The following USP6NL variants were observed in gnomAD, a reference collection of about 807,000 sequenced individuals.
The protein encoded by USP6NL is USP6 N-terminal-like protein.
Under a neutral mutation model 61.9 loss-of-function variants are expected in USP6NL, and 26 were observed. The ratio of observed to expected loss-of-function variants is 0.42; its 90% CI spans 0.31 to 0.58. USP6NL has a LOEUF of 0.58. Among genes scored for constraint, USP6NL ranks in the 20% least tolerant of loss-of-function variants. The probability of loss-of-function intolerance (pLI) is 0.16; values close to 1 mark genes in which losing one functional copy is unlikely to be tolerated. For missense variants in USP6NL, 1,114 were observed against 1,034.3 expected, an observed-to-expected ratio of 1.08 and a Z score of -1.06; for synonymous variants, 432 against 390.1, an observed-to-expected ratio of 1.11 and a Z score of -1.27.
intron 2 of USP6NL, among the ~76,000 whole-genome samples, chr10:11,557,624 T>C (rs573651857): frequency 2.6e-5 from 4 of 152,112 alleles, no homozygotes; most frequent in Admixed American, 1.3e-4. Flanking sequence ...AGTTAGTGAG[T>C]GTAGACTTAT....
At chr10:11,590,954 T>C (rs386453887) in intron 2 of USP6NL, among the ~76,000 whole-genome samples, 286 of 152,270 alleles carry the variant, frequency 1.9e-3, no homozygotes, top group Non-Finnish European at 3.2e-3. Flanking sequence ...CCAATAGATG[T>C]ACTCCTATAA....
At chr10:11,497,394 AGAGT>A (rs1273583570) in intron 7 of USP6NL, among the ~76,000 whole-genome samples, 2 of 148,334 alleles carry the variant, frequency 1.3e-5, no homozygotes, top group African/African-American at 4.9e-5. Context: ...CTGGGCAACA[AGAGT>A]GAGACTCAGT....
At chr10:11,472,618 T>C (rs1051349630) in intron 14 of USP6NL, among the ~76,000 whole-genome samples, 2 of 152,258 alleles carry the variant, frequency 1.3e-5, no homozygotes, top group East Asian at 1.9e-4. Context: ...TCCAATTGTA[T>C]TTTTAAATAT....
At chr10:11,590,811 C>T (rs530409015) in intron 2 of USP6NL, among the ~76,000 whole-genome samples, 76 of 152,146 alleles carry the variant, frequency 5.0e-4, no homozygotes, top group Non-Finnish European at 8.5e-4. Context: ...GCGGAGAACA[C>T]GCACCTGCAT....
At chr10:11,543,804 T>G (rs112475863) in intron 2 of USP6NL, among the ~76,000 whole-genome samples, 2,808 of 35,580 alleles carry the variant, frequency 0.079, 98 homozygotes, top group African/African-American at 0.15. Flanking sequence ...AATATTTAGG[T>G]TTTTTTTTTT....
intron 5 of USP6NL, among the ~76,000 whole-genome samples, chr10:11,516,241 T>C (rs1182062537): frequency 6.6e-6 from 1 of 152,158 alleles, no homozygotes; most frequent in Non-Finnish European, 1.5e-5. Flanking sequence ...TGTAAAATAA[T>C]ACATTGGCAA....
At position 11,600,362 on chromosome 10, in the gene USP6NL, T is replaced by A. The variant is rs1838478469; in HGVS notation, c.-83-2645A>T. Among the ~76,000 whole-genome samples the A allele has an allele frequency of 2.0e-5, 3 of 152,118 alleles. No individual in the cohort carries two copies. In the South Asian group the frequency reaches 6.2e-4, roughly 31 times the overall value. On this transcript the variant is annotated intron_variant, in intron 1 of 14. Coordinates refer to ENST00000609104, the MANE Select transcript of USP6NL (RefSeq NM_014688.5). This position sits in a 1 kb window ranked among gnomAD's most constrained non-coding sequence, Gnocchi z 4.1. ...AAGAAATGTATGCCCCAGGTAGCAA[T>A]GGCCCACAATGAATAAATAACCTAA...
At chr10:11,594,639 C>T (rs997135711) in intron 2 of USP6NL, among the ~76,000 whole-genome samples, 2 of 152,204 alleles carry the variant, frequency 1.3e-5, no homozygotes, top group African/African-American at 2.4e-5. Context: ...ACCTTTCTCA[C>T]ATTGCTCCGC....
chr10:11,497,055 C>T lies in USP6NL; in HGVS notation c.385-3827G>A, dbSNP rs147167209. Among the ~76,000 whole-genome samples, 5 of 148,896 alleles carry T rather than the reference C, an allele frequency of 3.4e-5. No homozygotes were observed. In the East Asian group the frequency reaches 7.9e-4, roughly 23 times the overall value. The stretch of plus-strand genomic sequence containing the variant: ...TTCAGAAGATATTATAAAAATTTAG[C>T]TTGAAAAATAAATCTGTACATATTT... On this transcript the variant is annotated intron_variant, in intron 7 of 14. Coordinates refer to ENST00000609104, the MANE Select transcript of USP6NL (RefSeq NM_014688.5).
In USP6NL at chr10:11,575,627, T is replaced by C. The variant is rs1837512002; in HGVS notation, c.4+22004A>G. ...TTATCACTGGTTTTGAAAATGAAAATCACATAGCAATCACTTTGAACACAT... is the reference window on the plus strand; with the variant it reads ...TTATCACTGGTTTTGAAAATGAAAACCACATAGCAATCACTTTGAACACAT... On this transcript the variant is annotated intron_variant, in intron 2 of 14. Coordinates refer to ENST00000609104, the MANE Select transcript of USP6NL (RefSeq NM_014688.5). The surrounding 1 kb of genome is among the most constrained non-coding windows in gnomAD (Gnocchi z 4.2). 6.6e-6 allele frequency among the ~76,000 whole-genome samples: 1 copy of C among 152,174 alleles called. No homozygotes were observed. Among genetic ancestry groups the C allele is most frequent in the African/African-American group, 2.4e-5 (1 of 41,432 alleles).
At position 11,585,957 on chromosome 10, in the gene USP6NL, G is replaced by C. The variant is rs1342782812; in HGVS notation, c.4+11674C>G. ...AGAAACAGAGCATTAGTGTTTAATG[G>C]GTACAGAGCCTCCAGTTTTTCAAAA... On this transcript the variant is annotated intron_variant, in intron 2 of 14. Coordinates refer to ENST00000609104, the MANE Select transcript of USP6NL (RefSeq NM_014688.5). This position sits in a 1 kb window ranked among gnomAD's most constrained non-coding sequence, Gnocchi z 4.5. Among the ~76,000 whole-genome samples the C allele has an allele frequency of 6.6e-6, 1 of 152,084 alleles. No homozygotes were observed. Among genetic ancestry groups the C allele is most frequent in the Admixed American group, 6.5e-5 (1 of 15,272 alleles).
At chr10:11,599,624 G>A (rs964454005) in intron 1 of USP6NL, among the ~76,000 whole-genome samples, 3 of 151,982 alleles carry the variant, frequency 2.0e-5, no homozygotes, top group Non-Finnish European at 4.4e-5. Flanking sequence ...GGAATGTCAT[G>A]GATTAGTTCT....
chr10:11,607,195 T>A (rs1195820304), intron 1 of USP6NL, among the ~76,000 whole-genome samples: 1 of 152,200 alleles, frequency 6.6e-6, no homozygotes, highest in Non-Finnish European at 1.5e-5. Context: ...AGCTCATACA[T>A]ATATACCTAA....
chr10:11,504,967 C>G (rs1297487817), intron 6 of USP6NL, among the ~76,000 whole-genome samples: 3 of 152,106 alleles, frequency 2.0e-5, no homozygotes, highest in Non-Finnish European at 2.9e-5. Flanking sequence ...GCTAGCCCTT[C>G]TACAAAAAGA....
At position 11,598,755 on chromosome 10, in the gene USP6NL, G is replaced by A. The variant is rs1300948269; in HGVS notation, c.-83-1038C>T. 1.3e-5 allele frequency among the ~76,000 whole-genome samples: 2 copies of A among 152,204 alleles called. No homozygotes were observed. Among genetic ancestry groups the A allele is most frequent in the African/African-American group, 4.8e-5 (2 of 41,444 alleles). On this transcript the variant is annotated intron_variant, in intron 1 of 14. Transcript: ENST00000609104. This position sits in a 1 kb window ranked among gnomAD's most constrained non-coding sequence, Gnocchi z 4.7. ...GACCTCTGCTTTAGAATCAAAGTTA[G>A]GGAAATACTTTTTGAAGAAATACTG... is the stretch of plus-strand genomic sequence containing the variant.
chr10:11,513,035 C>T lies in USP6NL; in HGVS notation c.196-3360G>A, dbSNP rs983626134. 6.6e-6 allele frequency among the ~76,000 whole-genome samples: 1 copy of T among 152,202 alleles called. No homozygotes were observed. Among genetic ancestry groups the T allele is most frequent in the Middle Eastern group, 3.2e-3 (1 of 316 alleles). On this transcript the variant is annotated intron_variant, in intron 5 of 14. Transcript: ENST00000609104. The surrounding 1 kb of genome is among the most constrained non-coding windows in gnomAD (Gnocchi z 4.7). ...GGCCTAAATGCCCAAATTGTATTATCAAAGTATGAACTCCTTGACTACAGA... is the reference window on the plus strand; with the variant it reads ...GGCCTAAATGCCCAAATTGTATTATTAAAGTATGAACTCCTTGACTACAGA...
Position 11,470,356 on chromosome 10 carries a change from G to A in USP6NL, c.1079-6507C>T, listed in dbSNP as rs752506940. ...CACCAGCAATACGGAACCCAAGGAC[G>A]CCATGCCAGGATCTGGCCTCTACTA... On this transcript the variant is annotated intron_variant, in intron 14 of 14. Coordinates refer to ENST00000609104, the MANE Select transcript of USP6NL (RefSeq NM_014688.5). This position sits in a 1 kb window ranked among gnomAD's most constrained non-coding sequence, Gnocchi z 5.4. Among the ~76,000 whole-genome samples the A allele has an allele frequency of 3.9e-5, 6 of 152,132 alleles. No homozygotes were observed. The highest frequency in any genetic ancestry group is 2.6e-4 in the Admixed American group (4 of 15,274).
chr10:11,488,832 T>C (rs1833588023), intron 10 of USP6NL, among the ~76,000 whole-genome samples: 1 of 152,212 alleles, frequency 6.6e-6, no homozygotes, highest in Admixed American at 6.5e-5. Flanking sequence ...AAACCTAAAT[T>C]AGTTTCTTTT....
chr10:11,526,064 T>A (rs1835402504), intron 3 of USP6NL, among the ~76,000 whole-genome samples: 1 of 142,364 alleles, frequency 7.0e-6, no homozygotes, highest in Non-Finnish European at 1.6e-5. Context: ...TCCCAACTCC[T>A]GTGACGTTGT....
Sources: gnomAD v4.1 joint callset for allele counts (sites outside exome capture counted in the v4.1 genomes callset) on GRCh38, gnomAD v4.1.1 for gene constraint, Gnocchi (gnomAD v3.1) non-coding constraint, MANE v1.5 for transcripts, NCBI Gene and HGNC (gene_info 2026-07-23, HGNC 2026-07-21) for gene names.